The following WWOX variants were observed in gnomAD, a reference collection of about 807,000 sequenced individuals.
The protein encoded by WWOX is WW domain containing oxidoreductase.
In WWOX, 69 loss-of-function variants were observed where a neutral mutation model predicts 46.2. The observed-to-expected ratio is 1.49, with a 90% CI of 1.23 to 1.82. WWOX has a LOEUF of 1.82. Ranked by LOEUF, WWOX falls within the 40% of genes most tolerant of loss-of-function variation. The pLI is 0.00. For synonymous variants in WWOX, 359 were observed against 202.6 expected (o/e 1.77, Z -6.56); for missense variants, 919 against 542.6 (o/e 1.69, Z -6.89).
intron 5 of WWOX, among the ~76,000 whole-genome samples, chr16:78,335,826 TCA>T (rs759819459): frequency 3.7e-4 from 57 of 152,148 alleles, no homozygotes; most frequent in Non-Finnish European, 6.3e-4. Context: ...GCATGATGAC[TCA>T]CATTTGTAAT....
At chr16:78,707,490 G>A (rs1476323290) in intron 8 of WWOX, among the ~76,000 whole-genome samples, 1 of 152,148 alleles carries the variant, frequency 6.6e-6, no homozygotes, top group East Asian at 1.9e-4. Context: ...CATTCTGCAA[G>A]GTTTGCTTTG....
At chr16:78,318,538 A>AACATTT (rs2080400299) in intron 5 of WWOX, among the ~76,000 whole-genome samples, 1 of 152,212 alleles carries the variant, frequency 6.6e-6, no homozygotes, top group South Asian at 2.1e-4. Context: ...TTAAGAACAC[A>AACATTT]ACATTTAGGC....
chr16:79,133,323 T>A (rs1389492935), intron 8 of WWOX, among the ~76,000 whole-genome samples: 1 of 152,172 alleles, frequency 6.6e-6, no homozygotes, highest in East Asian at 1.9e-4. Flanking sequence ...ATTTTCCACC[T>A]TGCCAAATTT....
intron 4 of WWOX, among the ~76,000 whole-genome samples, chr16:78,142,192 A>G (rs75433473): frequency 0.018 from 2,666 of 152,256 alleles, 89 homozygotes; most frequent in African/African-American, 0.062. Flanking sequence ...TATGGAAGCA[A>G]CATGGTCAAT....
chr16:78,428,343 C>T (rs908658185), intron 7 of WWOX, among the ~76,000 whole-genome samples: 1 of 152,176 alleles, frequency 6.6e-6, no homozygotes, highest in Non-Finnish European at 1.5e-5. Flanking sequence ...CCGTTTCTGG[C>T]TCAGACAGAT....
intron 5 of WWOX, among the ~76,000 whole-genome samples, chr16:78,351,856 C>T (rs928008100): frequency 1.6e-4 from 25 of 152,258 alleles, no homozygotes; most frequent in African/African-American, 6.0e-4. Context: ...GTAGTTTCAC[C>T]ATGTTGGCCA....
chr16:78,508,241 T>C (rs2085266351), intron 8 of WWOX, among the ~76,000 whole-genome samples: 1 of 151,142 alleles, frequency 6.6e-6, no homozygotes, highest in African/African-American at 2.4e-5. Flanking sequence ...GAACTCCTGA[T>C]CTCAGGTGAT....
chr16:78,210,003 G>T (rs1320457664), intron 5 of WWOX, among the ~76,000 whole-genome samples: 1 of 151,756 alleles, frequency 6.6e-6, no homozygotes, highest in East Asian at 1.9e-4. Context: ...GTTATTCAGA[G>T]ATAACTGGAA....
At position 78,988,188 on chromosome 16, in the gene WWOX, C is replaced by A. The variant is rs1437130537; in HGVS notation, c.1057-223420C>A. 2.6e-5 allele frequency among the ~76,000 whole-genome samples: 4 copies of A among 151,684 alleles called. No individual in the cohort carries two copies. The East Asian group carries it at 7.8e-4, about 30-fold the overall frequency. ...TGAAACCCCGTCTCTACTAAAAATACAAAAACTTAGCTGGGCATGGTGACA... is the reference window on the plus strand; with the variant it reads ...TGAAACCCCGTCTCTACTAAAAATAAAAAAACTTAGCTGGGCATGGTGACA... On this transcript the variant is annotated intron_variant, in intron 8 of 8. Transcript: ENST00000566780.
chr16:79,006,990 C>A (rs772300743), intron 8 of WWOX, among the ~76,000 whole-genome samples: 6 of 152,126 alleles, frequency 3.9e-5, no homozygotes, highest in African/African-American at 1.4e-4. Context: ...CCCTTTGTCG[C>A]GTAACCTAAC....
chr16:79,115,087 C>A (rs1411653074), intron 8 of WWOX, among the ~76,000 whole-genome samples: 1 of 152,190 alleles, frequency 6.6e-6, no homozygotes, highest in Non-Finnish European at 1.5e-5. Flanking sequence ...GGGACCAGGT[C>A]CCTCAATGCT....
At chr16:78,774,486 C>G (rs9929519) in intron 8 of WWOX, among the ~76,000 whole-genome samples, 28 of 150,056 alleles carry the variant, frequency 1.9e-4, no homozygotes, top group African/African-American at 6.2e-4. Context: ...AGTTTCTTGA[C>G]AGACCCATTT....
intron 8 of WWOX, among the ~76,000 whole-genome samples, chr16:78,687,864 A>G (rs7185340): frequency 0.34 from 51,919 of 152,014 alleles, 10,110 homozygotes; most frequent in Admixed American, 0.52. Context: ...GCATTAGAAC[A>G]GATTAAAAAT....
intron 6 of WWOX, among the ~76,000 whole-genome samples, chr16:78,391,996 T>C (rs536530019): frequency 0.012 from 955 of 82,322 alleles, 8 homozygotes; most frequent in South Asian, 0.025. Flanking sequence ...TTTTGTCTCC[T>C]TTTTTTTTTT....
At chr16:78,888,459 G>A (rs1206335095) in intron 8 of WWOX, among the ~76,000 whole-genome samples, 1 of 152,136 alleles carries the variant, frequency 6.6e-6, no homozygotes, top group East Asian at 1.9e-4. Flanking sequence ...CACATCCTGA[G>A]GTCCACTAGG....
intron 8 of WWOX, among the ~76,000 whole-genome samples, chr16:79,121,316 A>G (rs545555918): frequency 2.6e-5 from 4 of 152,158 alleles, no homozygotes; most frequent in Admixed American, 6.6e-5. Flanking sequence ...CTCGCTCATG[A>G]TATCTTCTCC....
chr16:78,808,844 G>A (rs181891331), intron 8 of WWOX, among the ~76,000 whole-genome samples: 1 of 151,982 alleles, frequency 6.6e-6, no homozygotes, highest in Non-Finnish European at 1.5e-5. Flanking sequence ...CAACCTCTAC[G>A]GCTGCCCCTC....
At chr16:78,683,329 G>C (rs563814022) in intron 8 of WWOX, among the ~76,000 whole-genome samples, 6 of 151,674 alleles carry the variant, frequency 4.0e-5, no homozygotes, top group African/African-American at 1.5e-4. Context: ...CCTGAGCTCA[G>C]GAGTTGGAGA....
At chr16:78,550,899 C>G (rs986133389) in intron 8 of WWOX, 1 of 152,056 alleles carries the variant, frequency 6.6e-6, no homozygotes, top group Non-Finnish European at 1.5e-5. Flanking sequence ...TATGACTTAT[C>G]ACTTGGCTGG....
Sources: gnomAD v4.1 joint callset for allele counts (sites outside exome capture counted in the v4.1 genomes callset) on GRCh38, gnomAD v4.1.1 for gene constraint, MANE v1.5 for transcripts, NCBI Gene and HGNC (gene_info 2026-07-23, HGNC 2026-07-21) for gene names.